The following ARL8B variants were observed in gnomAD, a reference collection of about 807,000 sequenced individuals.
The protein encoded by ARL8B is ARF like GTPase 8B.
Under a neutral mutation model 30.6 loss-of-function variants are expected in ARL8B, and 9 were observed. That is an observed-to-expected ratio of 0.29 (90% CI 0.18 to 0.51). ARL8B has a LOEUF of 0.51. Among genes scored for constraint, ARL8B ranks in the 20% least tolerant of loss-of-function variants. ARL8B has a pLI of 0.97. For synonymous variants in ARL8B, 74 were observed against 76.0 expected (o/e 0.97, Z 0.14); for missense variants, 130 against 227.2 (o/e 0.57, Z 2.75).
chr3:5,148,461 A>G (rs1025376395), intron 1 of ARL8B, among the ~76,000 whole-genome samples: 4 of 152,144 alleles, frequency 2.6e-5, no homozygotes, highest in Non-Finnish European at 2.9e-5. Context: ...CTCCAGGTCT[A>G]TCTTCCTCTA....
chr3:5,141,079 C>T (rs114363935), intron 1 of ARL8B, among the ~76,000 whole-genome samples: 2,541 of 152,278 alleles, frequency 0.017, 33 homozygotes, highest in Non-Finnish European at 0.027. Context: ...AAGGTTATAC[C>T]GTGGTCCCTT....
At chr3:5,139,535 T>C (rs887726329) in intron 1 of ARL8B, among the ~76,000 whole-genome samples, 9 of 152,352 alleles carry the variant, frequency 5.9e-5, no homozygotes, top group South Asian at 4.1e-4. Context: ...ACAATGGATC[T>C]GAGTGTCATT....
At chr3:5,176,573 T>C (rs758183227) in intron 6 of ARL8B, among the ~76,000 whole-genome samples, 1 of 152,192 alleles carries the variant, frequency 6.6e-6, no homozygotes, top group African/African-American at 2.4e-5. Flanking sequence ...ATAGTCGTTC[T>C]GGCTAATTTT....
chr3:5,140,435 G>T (rs752051167), intron 1 of ARL8B, among the ~76,000 whole-genome samples: 4 of 152,048 alleles, frequency 2.6e-5, no homozygotes, highest in Non-Finnish European at 4.4e-5. Flanking sequence ...ATCTTGTGCC[G>T]TGATTGTGAG....
intron 1 of ARL8B, among the ~76,000 whole-genome samples, chr3:5,133,427 A>G (rs1303006142): frequency 6.6e-6 from 1 of 152,122 alleles, no homozygotes; most frequent in Non-Finnish European, 1.5e-5. Flanking sequence ...GTTGGGGAGG[A>G]GGGGAAAGGT....
chr3:5,122,627 C>T (rs745433923), intron 1 of ARL8B, 39 bp downstream of exon 1: 1 of 1,571,060 alleles, frequency 6.4e-7, no homozygotes, highest in Non-Finnish European at 8.7e-7. Context: ...GGCTCCGCAG[C>T]CAGGAGTCCG....
chr3:5,158,530 T>C (rs1307562764), intron 1 of ARL8B, among the ~76,000 whole-genome samples: 1 of 152,198 alleles, frequency 6.6e-6, no homozygotes, highest in Non-Finnish European at 1.5e-5. Flanking sequence ...AAGTAAGGCA[T>C]TACAAAGTTA....
chr3:5,174,668 AT>A (rs1157100236), intron 6 of ARL8B, among the ~76,000 whole-genome samples: 26 of 56,626 alleles, frequency 4.6e-4, no homozygotes, highest in African/African-American at 4.2e-3. Context: ...ATAATATAAT[AT>A]ATGTAATATG....
chr3:5,175,079 G>A (rs913195841), intron 6 of ARL8B, among the ~76,000 whole-genome samples: 2 of 152,114 alleles, frequency 1.3e-5, no homozygotes, highest in Middle Eastern at 6.8e-3. Context: ...GGGATTACAG[G>A]TGTGAGCCCG....
chr3:5,124,432 C>T (rs2054212234), intron 1 of ARL8B, among the ~76,000 whole-genome samples: 1 of 151,590 alleles, frequency 6.6e-6, no homozygotes, highest in Non-Finnish European at 1.5e-5. Flanking sequence ...AATGAGGAAA[C>T]ATGAACTTCG....
At chr3:5,168,849 A>G (rs2054645652) in intron 1 of ARL8B, among the ~76,000 whole-genome samples, 1 of 152,184 alleles carries the variant, frequency 6.6e-6, no homozygotes, top group African/African-American at 2.4e-5. Context: ...TTTAGCTACT[A>G]TTTTTCCTGC....
chr3:5,142,008 A>G (rs1014435203), intron 1 of ARL8B, among the ~76,000 whole-genome samples: 1 of 152,226 alleles, frequency 6.6e-6, no homozygotes, highest in Non-Finnish European at 1.5e-5. Flanking sequence ...TATTGAGTCA[A>G]CATATATATT....
intron 1 of ARL8B, among the ~76,000 whole-genome samples, chr3:5,122,973 G>T (rs2054196322): frequency 6.6e-6 from 1 of 152,230 alleles, no homozygotes; most frequent in South Asian, 2.1e-4. Context: ...TTCCCAAAGG[G>T]TGGGATTTGG....
chr3:5,140,929 G>T (rs1176558117), intron 1 of ARL8B, among the ~76,000 whole-genome samples: 2 of 152,170 alleles, frequency 1.3e-5, no homozygotes, highest in Non-Finnish European at 2.9e-5. Flanking sequence ...TCTGGTGTCT[G>T]GTAGGCAGTC....
intron 1 of ARL8B, among the ~76,000 whole-genome samples, chr3:5,155,674 C>A (rs57731881): frequency 9.6e-5 from 12 of 125,088 alleles, no homozygotes; most frequent in East Asian, 4.8e-4. Context: ...CGTGCCCCCC[C>A]ACCCCCGCCT....
rs535454782 is a variant in ARL8B at position 5,148,178 on chromosome 3, G to A, written c.124-22325G>A. Among the ~76,000 whole-genome samples the A allele has an allele frequency of 5.9e-5, 9 of 152,050 alleles. No individual in the cohort carries two copies. In the South Asian group the frequency reaches 1.3e-3, roughly 21 times the overall value. On this transcript the variant is annotated intron_variant, in intron 1 of 6. Transcript: ENST00000256496. Reference sequence around the variant, plus strand: ...CCCAGGTGTAAAAGCTGGGTCCTACGAATTGGTCCAGCTGGACTGCTAAAC... The same window carrying A: ...CCCAGGTGTAAAAGCTGGGTCCTACAAATTGGTCCAGCTGGACTGCTAAAC...
chr3:5,124,391 C>G (rs1337389384), intron 1 of ARL8B, among the ~76,000 whole-genome samples: 1 of 151,164 alleles, frequency 6.6e-6, no homozygotes, highest in Non-Finnish European at 1.5e-5. Flanking sequence ...CAGGCATGAG[C>G]CACCGTTCCT....
chr3:5,141,112 C>G (rs953161289), intron 1 of ARL8B, among the ~76,000 whole-genome samples: 3 of 152,152 alleles, frequency 2.0e-5, no homozygotes, highest in Non-Finnish European at 4.4e-5. Context: ...TTTCGATTTC[C>G]CAATAATGAA....
chr3:5,172,214 A>T lies in ARL8B; in HGVS notation c.269A>T (p.Asn90Ile). The T allele has an allele frequency of 6.2e-7, 1 of 1,612,622 alleles. No homozygotes were observed. Among genetic ancestry groups the T allele is most frequent in the Non-Finnish European group, 8.5e-7 (1 of 1,179,166 alleles). The change falls in exon 3 of 7, where the codon AAT (asparagine) becomes ATT (isoleucine). Residue 90 changes from asparagine (N) to isoleucine (I), a missense_variant. Physicochemically the swap from Asn to Ile is moderately radical, Grantham distance 149 (BLOSUM62 -3). Transcript: ENST00000256496. Reference protein sequence around the residue: ...SMWERYCRGVNAIVYMIDAAD... With the variant: ...SMWERYCRGVIAIVYMIDAAD... ...TGGGAGCGGTATTGCAGAGGAGTCA[A>T]TGCTATTGTGTAAGTGGTTTTTTTT...
Sources: allele counts gnomAD v4.1 joint callset (sites outside exome capture counted in the v4.1 genomes callset), GRCh38; gene constraint gnomAD v4.1.1; transcripts MANE v1.5; gene names NCBI Gene and HGNC (gene_info 2026-07-23, HGNC 2026-07-21).